Variants in RTBDN observed in about 807,000 individuals in gnomAD.
RTBDN encodes the protein retbindin.
Under a neutral mutation model 21.9 loss-of-function variants are expected in RTBDN, and 24 were observed. That is an observed-to-expected ratio of 1.10 (90% confidence interval 0.79 to 1.54). The LOEUF is 1.54. Among genes scored for constraint, RTBDN ranks in the 40% most tolerant of loss-of-function variants. The pLI is 0.00. For missense variants in RTBDN, 325 were observed against 315.2 expected (o/e 1.03, Z -0.23); for synonymous variants, 141 against 125.9 (o/e 1.12, Z -0.80).
chr19:12,833,893 CCCTCCCT>C (rs1052932586), intron 1 of RTBDN: 182 of 329,566 alleles, frequency 5.5e-4, no homozygotes, highest in African/African-American at 3.6e-3. Context: ...GCTTCTCACT[CCCTCCCT>C]CCTCCCTCCT....
At chr19:12,831,195 G>A (rs1969561177) in intron 1 of RTBDN, among the ~76,000 whole-genome samples, 1 of 152,168 alleles carries the variant, frequency 6.6e-6, no homozygotes, top group Non-Finnish European at 1.5e-5. Flanking sequence ...GAAGTCAGTG[G>A]ATAAAGGTTT....
At position 12,828,944 on chromosome 19, in the gene RTBDN, C is replaced by A; in HGVS notation, c.179G>T (p.Cys60Phe). Residue 60 changes from cysteine to phenylalanine, a missense_variant, in exon 3 of 6, where the codon TGT becomes TTT. Physicochemically the swap from Cys to Phe is radical, Grantham distance 205. Transcript: ENST00000674343. ...KGKLHLAGPC[C>F]PSEMDTTETS... ...CTCTGTTGTGTCCATCTCTGAGGGACAACAAGGTCCTGGCAAAGGGGAACC... is the reference window on the plus strand; with the variant it reads ...CTCTGTTGTGTCCATCTCTGAGGGAAAACAAGGTCCTGGCAAAGGGGAACC... The A allele has an allele frequency of 6.2e-7, 1 of 1,614,090 alleles. No homozygotes were observed. Among genetic ancestry groups the A allele is most frequent in the Non-Finnish European group, 8.5e-7 (1 of 1,180,020 alleles).
In RTBDN at chr19:12,834,486, C is replaced by T; in HGVS notation, c.-19+3G>A. The T allele has an allele frequency of 6.5e-7, 1 of 1,535,220 alleles. No homozygotes were observed. The highest frequency in any genetic ancestry group is 8.7e-7 in the Non-Finnish European group (1 of 1,146,246). ...CATAGGACGCCCTGCGTCCCCCACG[C>T]ACCTGCCTGGCCATCAGGATTCTTC... On this transcript the variant is annotated splice_donor_region_variant and intron_variant, in intron 1 of 5. Coordinates refer to ENST00000674343, the MANE Select transcript of RTBDN (RefSeq NM_001270441.2). The surrounding 1 kb of genome is among the most constrained non-coding windows in gnomAD (Gnocchi z 4.7).
rs1969252846 is a variant in RTBDN at position 12,825,568 on chromosome 19, C to T, written c.*138G>A. 1 of 1,313,626 alleles carries T rather than the reference C, an allele frequency of 7.6e-7. No homozygotes were observed. The highest frequency in any genetic ancestry group is 1.5e-5 in the African/African-American group (1 of 66,266). 81.4% of individuals were successfully genotyped at this position (1,313,626 alleles called of 1,614,324 possible). A position where few individuals can be genotyped will look rare whatever the true frequency, so the allele number is the denominator to read the frequency against. ...TGGGATAACCTGGAGAGGGGTGGGTCTCTGGAGCTCCAGGGAGGAGGGACA... is the reference window on the plus strand; with the variant it reads ...TGGGATAACCTGGAGAGGGGTGGGTTTCTGGAGCTCCAGGGAGGAGGGACA... On this transcript the variant is annotated 3_prime_UTR_variant, in exon 6 of 6. Coordinates refer to ENST00000674343, the MANE Select transcript of RTBDN (RefSeq NM_001270441.2).
intron 1 of RTBDN, among the ~76,000 whole-genome samples, chr19:12,831,149 A>G (rs1235898906): frequency 6.6e-6 from 1 of 151,314 alleles, no homozygotes; most frequent in Non-Finnish European, 1.5e-5. Flanking sequence ...AGAAGGGGAA[A>G]TGTAGCATTG....
chr19:12,834,012 C>T lies in RTBDN; in HGVS notation c.-19+477G>A, dbSNP rs2145869681. On this transcript the variant is annotated intron_variant, in intron 1 of 5. Transcript: ENST00000674343. This position sits in a 1 kb window ranked among gnomAD's most constrained non-coding sequence, Gnocchi z 4.7. ...TCCGCCGCCGGAGGCTGCAGGTACG[C>T]GGCTGCCTGGGCCCCGGGTGGAGAG... The T allele has an allele frequency of 5.0e-6, 2 of 398,556 alleles. No individual in the cohort carries two copies. The highest frequency in any genetic ancestry group is 8.9e-6 in the Non-Finnish European group (2 of 225,870). The allele number at this position is 398,556 out of a possible 1,614,324, so 24.7% of individuals were successfully genotyped here. A position where few individuals can be genotyped will look rare whatever the true frequency, so the allele number is the denominator to read the frequency against.
chr19:12,827,923 T>A (rs1969379086), intron 4 of RTBDN, among the ~76,000 whole-genome samples: 1 of 151,304 alleles, frequency 6.6e-6, no homozygotes, highest in African/African-American at 2.4e-5. Flanking sequence ...TGAAACACCG[T>A]CTCTACTAAA....
Position 12,831,409 on chromosome 19 carries a change from G to A in RTBDN, c.-18-1412C>T, listed in dbSNP as rs564697723. ...ATTCTGGGGATGCAGTAGTGAACAA[G>A]ACATGAAAATTTCAGCCAGGCATGG... On this transcript the variant is annotated intron_variant, in intron 1 of 5. Transcript: ENST00000674343. Among the ~76,000 whole-genome samples the A allele has an allele frequency of 1.2e-3, 188 of 152,256 alleles. 2 individuals are homozygous for A. Among genetic ancestry groups the A allele is most frequent in the African/African-American group, 4.3e-3 (179 of 41,546 alleles).
At chr19:12,827,267 C>T (rs1160088731) in intron 4 of RTBDN, among the ~76,000 whole-genome samples, 1 of 152,062 alleles carries the variant, frequency 6.6e-6, no homozygotes, top group Admixed American at 6.6e-5. Flanking sequence ...AATCCTTCCA[C>T]CTCAGTGTCT....
At chr19:12,827,385 C>G (rs1461111949) in intron 4 of RTBDN, among the ~76,000 whole-genome samples, 1 of 150,506 alleles carries the variant, frequency 6.6e-6, no homozygotes, top group African/African-American at 2.5e-5. Context: ...TGCAGTGGCC[C>G]AATCTCTGCT....
rs972862687 is a variant in RTBDN at position 12,826,091 on chromosome 19, T to A, written c.463-158A>T. The A allele has an allele frequency of 1.7e-5, 24 of 1,407,184 alleles. No individual in the cohort carries two copies. In the Admixed American group the frequency reaches 7.7e-4, roughly 45 times the overall value. The allele number at this position is 1,407,184 out of a possible 1,614,324, so 87.2% of individuals were successfully genotyped here. A position where few individuals can be genotyped will look rare whatever the true frequency, so the allele number is the denominator to read the frequency against. ...TGTGCGGAACGTGAGTGGGGGCAGG[T>A]CCTTGGGGAGGGTGAATGTTCTTAC... On this transcript the variant is annotated intron_variant, in intron 5 of 5. Transcript: ENST00000674343.
Position 12,827,035 on chromosome 19 carries a change from C to A in RTBDN, c.366-164G>T, listed in dbSNP as rs1300495141. The A allele has an allele frequency of 4.8e-6, 3 of 621,990 alleles. No homozygotes were observed. In the African/African-American group the frequency reaches 5.5e-5, roughly 11 times the overall value. 38.5% of individuals were successfully genotyped at this position (621,990 alleles called of 1,614,324 possible). On this transcript the variant is annotated intron_variant, in intron 4 of 5. Transcript: ENST00000674343. ...TAACCCCATCTCTCCAGATTTCACC[C>A]TGCCCCATATTCTATCAGATCTTTC...
chr19:12,826,340 G>C (rs760650077), intron 5 of RTBDN: 57 of 1,233,666 alleles, frequency 4.6e-5, no homozygotes, highest in Middle Eastern at 2.2e-4. Context: ...CTAGGGAAGG[G>C]TGGGAGCAGG....
chr19:12,829,063 A>C, intron 2 of RTBDN, 110 bp from the exon 3 acceptor site: 1 of 1,515,874 alleles, frequency 6.6e-7, no homozygotes, highest in Non-Finnish European at 8.9e-7. Flanking sequence ...ATCAATCCTC[A>C]CAAACCCATA....
intron 1 of RTBDN, among the ~76,000 whole-genome samples, chr19:12,831,578 TGCTTGTAATCTCA>T: frequency 6.6e-6 from 1 of 152,264 alleles, no homozygotes; most frequent in South Asian, 2.1e-4. Context: ...TGGTGGCACA[TGCTTGTAATCTCA>T]GCAGTTCAGG....
upstream of RTBDN, chr19:12,835,015 G>A (rs367743668): frequency 5.9e-5 from 94 of 1,588,416 alleles, no homozygotes; most frequent in Non-Finnish European, 7.6e-5. Context: ...AGATAAAGCC[G>A]AGAATGGGCC....
At chr19:12,835,031 T>A, upstream of RTBDN, 1 of 1,603,448 alleles carries the variant, frequency 6.2e-7, no homozygotes, top group Non-Finnish European at 8.5e-7. Flanking sequence ...GGGCCCAGAC[T>A]CAGGCTCCAT....
chr19:12,829,758 G>A lies in RTBDN; in HGVS notation c.169+53C>T. The A allele has an allele frequency of 1.5e-5, 23 of 1,554,244 alleles. 1 individual carries two copies. In the South Asian group the frequency reaches 2.5e-4, roughly 17 times the overall value. On this transcript the variant is annotated intron_variant, in intron 2 of 5. Transcript: ENST00000674343. ...GGAAATTCTAACATTGTCATGGCAG[G>A]GTAGGTGTGGGTTTCTGGGTGTTGG... is the stretch of plus-strand genomic sequence containing the variant.
intron 1 of RTBDN, among the ~76,000 whole-genome samples, chr19:12,831,929 A>G (rs1006922685): frequency 2.0e-5 from 3 of 152,124 alleles, no homozygotes; most frequent in Admixed American, 2.0e-4. Context: ...CTGTGCTTCC[A>G]TTGGTTAAGT....
Sources: gnomAD v4.1 joint callset for allele counts (sites outside exome capture counted in the v4.1 genomes callset) on GRCh38, gnomAD v4.1.1 for gene constraint, Gnocchi (gnomAD v3.1) non-coding constraint, MANE v1.5 for transcripts, NCBI Gene and HGNC (gene_info 2026-07-23, HGNC 2026-07-21) for gene names.